The following MED13L variants were observed in gnomAD, a reference collection of about 807,000 sequenced individuals.
MED13L encodes the protein mediator complex subunit 13L, also known as mediator of RNA polymerase II transcription subunit 13-like.
MED13L carries 7 observed loss-of-function variants against 220.9 expected under a neutral mutation model. That is an observed-to-expected ratio of 0.03 (90% CI 0.02 to 0.06). MED13L has a LOEUF of 0.06. MED13L is among the 10% of genes least tolerant of loss of function. The probability of loss-of-function intolerance (pLI) is 1.00; values close to 1 mark genes in which losing one functional copy is unlikely to be tolerated. For synonymous variants in MED13L, 1,011 were observed against 1,015.2 expected, an observed-to-expected ratio of 1.00 and a Z score of 0.08; for missense variants, 1,965 against 2,760.5, an observed-to-expected ratio of 0.71 and a Z score of 6.46.
intron 4 of MED13L, among the ~76,000 whole-genome samples, chr12:116,068,515 G>A (rs1293538326): frequency 2.0e-5 from 3 of 152,116 alleles, no homozygotes; most frequent in Admixed American, 1.3e-4. Context: ...CTGAAGTATG[G>A]ATGGCAAAAT....
chr12:116,083,806 A>G (rs1871402767), intron 4 of MED13L, among the ~76,000 whole-genome samples: 1 of 152,152 alleles, frequency 6.6e-6, no homozygotes, highest in Non-Finnish European at 1.5e-5. Flanking sequence ...CCTCAGTTAC[A>G]ATTTGGTCCC....
chr12:116,179,452 A>C (rs1259776637), intron 2 of MED13L, among the ~76,000 whole-genome samples: 2 of 152,058 alleles, frequency 1.3e-5, no homozygotes, highest in Non-Finnish European at 2.9e-5. Context: ...TCTACTAAAA[A>C]TCAAAAAAAT....
rs746360507 is a variant in MED13L at position 115,984,389 on chromosome 12, G to A, written c.4339-17C>T. 6.2e-7 allele frequency: 1 copy of A among 1,613,480 alleles called. No individual in the cohort carries two copies. The highest frequency in any genetic ancestry group is 1.7e-5 in the Admixed American group (1 of 59,992). On this transcript the variant is annotated splice_polypyrimidine_tract_variant and intron_variant, in intron 19 of 30. Coordinates refer to ENST00000281928, the MANE Select transcript of MED13L (RefSeq NM_015335.5). ...CCTACACATCTGATATCATAGACAA[G>A]ATCATTAGTTATAACAGGAGCCATT...
intron 25 of MED13L, 129 bp downstream of exon 25, chr12:115,975,042 A>G: frequency 3.0e-6 from 3 of 1,001,692 alleles, no homozygotes; most frequent in South Asian, 1.4e-5. Context: ...CTGTACATAT[A>G]AAAGAATCAT....
intron 2 of MED13L, among the ~76,000 whole-genome samples, chr12:116,116,541 C>T (rs1370823695): frequency 1.3e-5 from 2 of 152,008 alleles, no homozygotes; most frequent in Non-Finnish European, 2.9e-5. Context: ...GTAAAGTTTT[C>T]CCCTGAGTTC....
intron 4 of MED13L, among the ~76,000 whole-genome samples, chr12:116,046,749 G>A (rs913591231): frequency 2.0e-5 from 3 of 152,186 alleles, no homozygotes; most frequent in African/African-American, 4.8e-5. Flanking sequence ...CGAGACAGAC[G>A]GATCACGAGG....
intron 4 of MED13L, among the ~76,000 whole-genome samples, chr12:116,041,804 C>T (rs568426677): frequency 2.0e-5 from 3 of 152,264 alleles, no homozygotes; most frequent in East Asian, 1.9e-4. Context: ...CACTGCACTC[C>T]GACCTGGGCG....
In MED13L at chr12:116,254,325, G is replaced by A. The variant is rs560319030; in HGVS notation, c.73-16620C>T. ...AATTGCAGATAACATCATCACGTACGTTTTTTAAAATCCAAGGATTTACAA... is the reference window on the plus strand; with the variant it reads ...AATTGCAGATAACATCATCACGTACATTTTTTAAAATCCAAGGATTTACAA... On this transcript the variant is annotated intron_variant, in intron 1 of 30. Transcript: ENST00000281928. 9.9e-5 allele frequency among the ~76,000 whole-genome samples: 15 copies of A among 152,090 alleles called. No homozygotes were observed. In the South Asian group the frequency reaches 1.9e-3, roughly 19 times the overall value.
intron 1 of MED13L, among the ~76,000 whole-genome samples, chr12:116,253,602 G>A (rs879776900): frequency 1.3e-5 from 2 of 151,986 alleles, no homozygotes; most frequent in Non-Finnish European, 2.9e-5. Context: ...ATAAGCTTAA[G>A]TAAGGTTTGT....
At chr12:116,041,174 T>A (rs1393368973) in intron 4 of MED13L, among the ~76,000 whole-genome samples, 1 of 152,120 alleles carries the variant, frequency 6.6e-6, no homozygotes, top group African/African-American at 2.4e-5. Context: ...AGGTAGAAGG[T>A]GACTGGACCT....
intron 28 of MED13L, among the ~76,000 whole-genome samples, chr12:115,966,767 CTA>C (rs1457928455): frequency 6.6e-6 from 1 of 152,156 alleles, no homozygotes; most frequent in African/African-American, 2.4e-5. Flanking sequence ...CTGGAAGAGG[CTA>C]TGTTTTGCTG....
intron 2 of MED13L, among the ~76,000 whole-genome samples, chr12:116,227,502 G>A (rs1294111928): frequency 6.6e-6 from 1 of 152,120 alleles, no homozygotes; most frequent in African/African-American, 2.4e-5. Context: ...TCACATTTTG[G>A]TAATTCTTGC....
chr12:116,181,829 T>C (rs956825854), intron 2 of MED13L, among the ~76,000 whole-genome samples: 1 of 152,202 alleles, frequency 6.6e-6, no homozygotes, highest in Non-Finnish European at 1.5e-5. Flanking sequence ...TAACTAATGA[T>C]TGTGAGCTGC....
In MED13L at chr12:115,990,944, T is replaced by C. The variant is rs922933788; in HGVS notation, c.3934+76A>G. The C allele has an allele frequency of 8.0e-6, 12 of 1,506,494 alleles. No individual in the cohort carries two copies. The Admixed American group carries it at 1.9e-4, about 24-fold the overall frequency. The allele number at this position is 1,506,494 out of a possible 1,614,324, so 93.3% of individuals were successfully genotyped here. A position where few individuals can be genotyped will look rare whatever the true frequency, so the allele number is the denominator to read the frequency against. ...CATGAAATTAAAATTTTTTGTCAAA[T>C]ACAGTAAAGAAAGCTTTTAAGTTAT... On this transcript the variant is annotated intron_variant, in intron 17 of 30. Transcript: ENST00000281928.
At chr12:116,184,434 C>T (rs1296218314) in intron 2 of MED13L, among the ~76,000 whole-genome samples, 1 of 152,104 alleles carries the variant, frequency 6.6e-6, no homozygotes, top group Non-Finnish European at 1.5e-5. Context: ...TAAGTGGCAA[C>T]TAGACAATGT....
At position 116,109,060 on chromosome 12, in the gene MED13L, CTTTTTTTTTTT is replaced by C. The variant is rs751600660; in HGVS notation, c.395+2357_395+2367del. ...AACTTTATATGTCATAATTAATTTC[CTTTTTTTTTTT>C]TTTTTTTTTTTTTTTTGGAAACAGG... On this transcript the variant is annotated intron_variant, in intron 3 of 30. Transcript: ENST00000281928. Among the ~76,000 whole-genome samples, 5 of 97,082 alleles carry C rather than the reference CTTTTTTTTTTT, an allele frequency of 5.2e-5. 1 individual carries two copies. The highest frequency in any genetic ancestry group is 2.5e-4 in the Admixed American group (2 of 7,984). The allele number at this position is 97,082 out of a possible 152,430, so 63.7% of individuals were successfully genotyped here.
rs140340239 is a variant in MED13L at position 115,966,190 on chromosome 12, C to T, written c.6279G>A (p.Gln2093=). 14 of 1,614,146 alleles carry T rather than the reference C, an allele frequency of 8.7e-6. No individual in the cohort carries two copies. The Admixed American group carries it at 2.2e-4, about 25-fold the overall frequency. The change falls in exon 29 of 31, where the codon CAG becomes CAA. Residue 2093 remains glutamine, a synonymous_variant. Transcript: ENST00000281928. The part of the protein sequence containing the change: ...SREAPEELKQ[Q]PLALGYFVST... The stretch of plus-strand genomic sequence containing the variant: ...ATACAAAATACCCAAGGGCCAGGGG[C>T]TGCTGCTTTAGCTCCTCTGGTGCTT...
At chr12:116,225,236 A>G (rs149975911) in intron 2 of MED13L, among the ~76,000 whole-genome samples, 16 of 152,336 alleles carry the variant, frequency 1.1e-4, no homozygotes, top group Middle Eastern at 3.4e-3. Flanking sequence ...ATATTGCTGT[A>G]TTTAAGTCAT....
chr12:116,179,487 G>T (rs946608477), intron 2 of MED13L, among the ~76,000 whole-genome samples: 12 of 151,948 alleles, frequency 7.9e-5, no homozygotes, highest in African/African-American at 2.9e-4. Context: ...GTGCACACTT[G>T]TAGTCTGTAG....
Sources: allele counts gnomAD v4.1 joint callset (sites outside exome capture counted in the v4.1 genomes callset), GRCh38; gene constraint gnomAD v4.1.1; transcripts MANE v1.5; gene names NCBI Gene and HGNC (gene_info 2026-07-23, HGNC 2026-07-21).